LY96: variants seen among roughly 807,000 people sequenced by gnomAD.
LY96 encodes the protein lymphocyte antigen 96.
A neutral mutation model predicts 18.9 loss-of-function variants in LY96; 18 were observed. The ratio of observed to expected loss-of-function variants is 0.95; its 90% confidence interval spans 0.66 to 1.41. The LOEUF is 1.41. Among genes scored for constraint, LY96 ranks in the 40% most tolerant of loss-of-function variants. The pLI is 0.00. For synonymous variants in LY96, 66 were observed against 62.6 expected (o/e 1.06, Z -0.26); for missense variants, 175 against 182.4 (o/e 0.96, Z 0.23).
the LY96 span, among the ~76,000 whole-genome samples, chr8:74,046,576 C>T: frequency 1.8e-4 from 27 of 152,044 alleles, no homozygotes; most frequent in Admixed American, 9.8e-4. Flanking sequence ...CCACCCCCCA[C>T]GCAAAAAAAC....
the LY96 span, among the ~76,000 whole-genome samples, chr8:74,064,365 G>A: frequency 6.6e-6 from 1 of 152,302 alleles, no homozygotes; most frequent in South Asian, 2.1e-4. Flanking sequence ...CCTAGTGGGA[G>A]GTGTTCTAGT....
chr8:74,070,260 T>C, the LY96 span, among the ~76,000 whole-genome samples: 31 of 152,214 alleles, frequency 2.0e-4, no homozygotes, highest in African/African-American at 6.7e-4. Context: ...CCCGGCTAAC[T>C]TTTTGTAATA....
the LY96 span, among the ~76,000 whole-genome samples, chr8:74,036,018 T>C: frequency 6.6e-6 from 1 of 152,188 alleles, no homozygotes; most frequent in Non-Finnish European, 1.5e-5. Flanking sequence ...GTGTCATGGG[T>C]GCATCTTTAA....
At chr8:74,001,429 A>G (rs973193327) in intron 1 of LY96, among the ~76,000 whole-genome samples, 3 of 151,996 alleles carry the variant, frequency 2.0e-5, no homozygotes, top group South Asian at 2.1e-4. Context: ...GGGTTTTGCT[A>G]TGTTGGCCAG....
chr8:74,039,752 A>C, the LY96 span, among the ~76,000 whole-genome samples: 2 of 152,196 alleles, frequency 1.3e-5, no homozygotes, highest in Non-Finnish European at 2.9e-5. Flanking sequence ...GACTTTCACT[A>C]TTTCTTCTAC....
the LY96 span, among the ~76,000 whole-genome samples, chr8:74,085,147 T>C: frequency 2.0e-4 from 31 of 152,338 alleles, no homozygotes; most frequent in African/African-American, 6.7e-4. Context: ...TTTATGTGTG[T>C]TGTCTCACAA....
chr8:74,002,263 A>T (rs1816312764), intron 1 of LY96, among the ~76,000 whole-genome samples: 1 of 151,096 alleles, frequency 6.6e-6, no homozygotes, highest in Non-Finnish European at 1.5e-5. Flanking sequence ...CAGCCTCCTG[A>T]GTAGCTGGGA....
the LY96 span, among the ~76,000 whole-genome samples, chr8:74,050,620 T>C: frequency 9.8e-5 from 15 of 152,340 alleles, no homozygotes; most frequent in South Asian, 2.9e-3. Flanking sequence ...TTTTAACATT[T>C]CTTAACGTTG....
chr8:74,003,147 G>T (rs1816333156), intron 1 of LY96, among the ~76,000 whole-genome samples: 1 of 152,116 alleles, frequency 6.6e-6, no homozygotes, highest in Non-Finnish European at 1.5e-5. Flanking sequence ...ATCTTTTTCA[G>T]TCTTCACAGA....
chr8:74,053,074 T>A, the LY96 span, among the ~76,000 whole-genome samples: 3 of 152,184 alleles, frequency 2.0e-5, no homozygotes, highest in African/African-American at 4.8e-5. Flanking sequence ...AAACTCCACA[T>A]GTCAAAAATG....
At chr8:74,035,824 G>GA in the LY96 span, among the ~76,000 whole-genome samples, 2 of 152,146 alleles carry the variant, frequency 1.3e-5, no homozygotes, top group East Asian at 3.8e-4. Flanking sequence ...TTGCCAATCA[G>GA]AAAAAATTAA....
intron 1 of LY96, among the ~76,000 whole-genome samples, chr8:74,001,285 G>A (rs62509331): frequency 0.25 from 37,379 of 150,134 alleles, 4,960 homozygotes; most frequent in Non-Finnish European, 0.3. Flanking sequence ...GTGCAGAGGT[G>A]TGATCTCAGC....
rs756373007 is a variant in LY96 at position 73,996,372 on chromosome 8, C to CTTTCTTT, written c.112+4818_112+4819insTTTCTTT. On this transcript the variant is annotated intron_variant, in intron 1 of 4. Transcript: ENST00000284818. ...TCCTTCCTTCCTTCCTTCCTTCATT[C>CTTTCTTT]CTTTCTTTCTTTCTTTCTTTCTTTC... Among the ~76,000 whole-genome samples, 352 of 110,920 alleles carry CTTTCTTT rather than the reference C, an allele frequency of 3.2e-3. 4 individuals are homozygous for CTTTCTTT. The highest frequency in any genetic ancestry group is 5.1e-3 in the East Asian group (16 of 3,152). 72.8% of individuals were successfully genotyped at this position (110,920 alleles called of 152,430 possible). A position where few individuals can be genotyped will look rare whatever the true frequency, so the allele number is the denominator to read the frequency against.
chr8:74,070,173 G>C, the LY96 span, among the ~76,000 whole-genome samples: 47 of 151,292 alleles, frequency 3.1e-4, no homozygotes, highest in Non-Finnish European at 5.3e-4. Flanking sequence ...CTCACTGCAA[G>C]CTCCGCCTCC....
chr8:74,030,003 G>A (rs1024973293), downstream of LY96, among the ~76,000 whole-genome samples: 4 of 152,152 alleles, frequency 2.6e-5, no homozygotes, highest in East Asian at 1.9e-4. Flanking sequence ...TCATAGTAGC[G>A]TGAGAATGGA....
chr8:74,064,717 T>C, the LY96 span, among the ~76,000 whole-genome samples: 1 of 152,148 alleles, frequency 6.6e-6, no homozygotes, highest in Admixed American at 6.6e-5. Flanking sequence ...CTCTATAAAT[T>C]ACCCAGCCTC....
intron 3 of LY96, 46 bp from the exon 4 acceptor site, chr8:74,026,743 C>A (rs535063183): frequency 2.5e-5 from 28 of 1,108,744 alleles, no homozygotes; most frequent in Non-Finnish European, 3.9e-5. Context: ...AAAAATATCA[C>A]CTAACCGTGA....
intron 1 of LY96, among the ~76,000 whole-genome samples, chr8:73,994,549 G>A (rs184982202): frequency 1.3e-5 from 2 of 152,192 alleles, no homozygotes; most frequent in African/African-American, 4.8e-5. Flanking sequence ...TGCAACGGTG[G>A]AATCATGGCT....
At chr8:74,070,956 G>A in the LY96 span, among the ~76,000 whole-genome samples, 3 of 152,222 alleles carry the variant, frequency 2.0e-5, no homozygotes, top group East Asian at 5.8e-4. Flanking sequence ...TGAGTATCCA[G>A]TGTCAAGCAT....
Sources: allele counts gnomAD v4.1 joint callset (sites outside exome capture counted in the v4.1 genomes callset), GRCh38; gene constraint gnomAD v4.1.1; transcripts MANE v1.5; gene names NCBI Gene and HGNC (gene_info 2026-07-23, HGNC 2026-07-21).